NMNAT3: variants seen among roughly 807,000 people sequenced by gnomAD.
NMNAT3 encodes the protein nicotinamide nucleotide adenylyltransferase 3.
A neutral mutation model predicts 24.8 loss-of-function variants in NMNAT3; 21 were observed. That is an observed-to-expected ratio of 0.85 (90% CI 0.60 to 1.22). NMNAT3 has a LOEUF of 1.22. Among genes scored for constraint, NMNAT3 ranks in the 50% most tolerant of loss-of-function variants. The pLI is 0.00. For synonymous variants in NMNAT3, 136 were observed against 155.2 expected, an observed-to-expected ratio of 0.88 and a Z score of 0.92; for missense variants, 387 against 436.6, an observed-to-expected ratio of 0.89 and a Z score of 1.01.
chr3:139,645,384 C>T (rs1350026422), intron 1 of NMNAT3, among the ~76,000 whole-genome samples: 1 of 152,064 alleles, frequency 6.6e-6, no homozygotes, highest in Non-Finnish European at 1.5e-5. Flanking sequence ...ATGCCTTAGA[C>T]AAAACAGGGC....
intron 4 of NMNAT3, among the ~76,000 whole-genome samples, chr3:139,581,346 GTATT>G (rs1044742513): frequency 4.6e-5 from 7 of 150,614 alleles, no homozygotes; most frequent in Middle Eastern, 3.2e-3. Context: ...TAATGGTACT[GTATT>G]TATTATACAG....
chr3:139,653,114 T>A (rs2057110904), intron 1 of NMNAT3, among the ~76,000 whole-genome samples: 1 of 152,198 alleles, frequency 6.6e-6, no homozygotes, highest in African/African-American at 2.4e-5. Context: ...ATGGAGTCAT[T>A]GCTTCATAAA....
chr3:139,610,166 G>T (rs1176413912), intron 3 of NMNAT3, among the ~76,000 whole-genome samples: 1 of 151,968 alleles, frequency 6.6e-6, no homozygotes, highest in African/African-American at 2.4e-5. Flanking sequence ...GAATACAGGG[G>T]TCTCATGAAG....
chr3:139,561,534 A>G lies in NMNAT3; in HGVS notation c.659-142T>C, dbSNP rs1936385652. On this transcript the variant is annotated intron_variant, in intron 6 of 6. Transcript: ENST00000643695. ...CCATGTTCATGACTTGAAAAGAAAAAGCATGTAAATGAATCTGCAGCCATT... is the reference window on the plus strand; with the variant it reads ...CCATGTTCATGACTTGAAAAGAAAAGGCATGTAAATGAATCTGCAGCCATT... The G allele has an allele frequency of 3.9e-6, 3 of 759,930 alleles. No homozygotes were observed. In the South Asian group the frequency reaches 5.7e-5, roughly 14 times the overall value. The allele number at this position is 759,930 out of a possible 1,614,324, so 47.1% of individuals were successfully genotyped here. A position where few individuals can be genotyped will look rare whatever the true frequency, so the allele number is the denominator to read the frequency against.
chr3:139,627,607 C>A lies in NMNAT3; in HGVS notation c.109+9G>T. 1.3e-6 allele frequency: 2 copies of A among 1,546,512 alleles called. No individual in the cohort carries two copies. The highest frequency in any genetic ancestry group is 1.2e-5 in the South Asian group (1 of 84,040). On this transcript the variant is annotated intron_variant, in intron 3 of 6. Transcript: ENST00000643695. ...GTTCTTCTGTTGGACTCAGGGCCCC[C>A]TGACTGACCTGTTTGGTGTAGGTGA... is the stretch of plus-strand genomic sequence containing the variant.
chr3:139,613,642 C>T (rs56773826), intron 3 of NMNAT3, among the ~76,000 whole-genome samples: 53,123 of 151,832 alleles, frequency 0.35, 10,900 homozygotes, highest in South Asian at 0.66. Context: ...TGGGTATATA[C>T]CCAAAGGATT....
chr3:139,653,149 T>C (rs2057112407), intron 1 of NMNAT3, among the ~76,000 whole-genome samples: 1 of 152,178 alleles, frequency 6.6e-6, no homozygotes, highest in Non-Finnish European at 1.5e-5. Context: ...TGTTATTCTA[T>C]CATTTTCTGT....
chr3:139,659,690 G>A (rs2057354312), intron 1 of NMNAT3, among the ~76,000 whole-genome samples: 1 of 152,218 alleles, frequency 6.6e-6, no homozygotes, highest in Admixed American at 6.5e-5. Context: ...GTCAATCCTG[G>A]ATGCACATTA....
At chr3:139,565,491 T>G (rs1224889294) in intron 6 of NMNAT3, 1 of 152,156 alleles carries the variant, frequency 6.6e-6, no homozygotes, top group Non-Finnish European at 1.5e-5. Context: ...TAGGTATATC[T>G]CCTAATGCTA....
At chr3:139,643,135 A>T (rs772208135) in intron 1 of NMNAT3, among the ~76,000 whole-genome samples, 24 of 152,168 alleles carry the variant, frequency 1.6e-4, no homozygotes, top group Non-Finnish European at 3.1e-4. Flanking sequence ...CATCCCTAAT[A>T]ACTAGGGAAA....
At chr3:139,669,034 C>A (rs2057672031) in intron 1 of NMNAT3, among the ~76,000 whole-genome samples, 1 of 152,190 alleles carries the variant, frequency 6.6e-6, no homozygotes, top group South Asian at 2.1e-4. Context: ...AATTTTAAAT[C>A]ATTTCTTGGA....
rs141514728 is a variant in NMNAT3 at position 139,584,935 on chromosome 3, G to A, written c.110-1727C>T. Reference sequence around the variant, plus strand: ...CTCTCACTATGATTGTGGATTTTCCGTTTTTCTTTTTAGTACTTTCAACTT... The same window carrying A: ...CTCTCACTATGATTGTGGATTTTCCATTTTTCTTTTTAGTACTTTCAACTT... On this transcript the variant is annotated intron_variant, in intron 3 of 6. Coordinates refer to ENST00000643695, the MANE Select transcript of NMNAT3 (RefSeq NM_001320510.2). 1.9e-3 allele frequency among the ~76,000 whole-genome samples: 283 copies of A among 151,822 alleles called. 3 individuals are homozygous for A. The highest frequency in any genetic ancestry group is 6.5e-3 in the African/African-American group (271 of 41,416).
intron 3 of NMNAT3, chr3:139,599,340 G>C (rs2054609634): frequency 1.4e-6 from 1 of 702,332 alleles, no homozygotes; most frequent in Non-Finnish European, 2.6e-6. Flanking sequence ...GGAGAAGCTT[G>C]GTGTTTCTGT....
At chr3:139,641,858 C>T (rs1254856694) in intron 1 of NMNAT3, among the ~76,000 whole-genome samples, 1 of 152,200 alleles carries the variant, frequency 6.6e-6, no homozygotes, top group African/African-American at 2.4e-5. Flanking sequence ...GGCTAACAAA[C>T]ACCAATTTTA....
At chr3:139,596,916 G>GTATATA (rs58824425) in intron 3 of NMNAT3, among the ~76,000 whole-genome samples, 133 of 97,010 alleles carry the variant, frequency 1.4e-3, no homozygotes, top group African/African-American at 3.8e-3. Flanking sequence ...TGTCATGTGT[G>GTATATA]TATATATATA....
At chr3:139,648,199 G>A (rs1486875324) in intron 1 of NMNAT3, among the ~76,000 whole-genome samples, 2 of 152,126 alleles carry the variant, frequency 1.3e-5, no homozygotes, top group African/African-American at 4.8e-5. Context: ...TTTAAAAGTG[G>A]CTGTTTCCTC....
chr3:139,574,666 G>A (rs1002742776), intron 5 of NMNAT3, among the ~76,000 whole-genome samples: 2 of 152,148 alleles, frequency 1.3e-5, no homozygotes, highest in African/African-American at 4.8e-5. Context: ...GTGGGTTTAA[G>A]TTCAGGCTTT....
chr3:139,643,624 C>A (rs750333239), intron 1 of NMNAT3, among the ~76,000 whole-genome samples: 2 of 152,022 alleles, frequency 1.3e-5, no homozygotes, highest in African/African-American at 4.8e-5. Flanking sequence ...TAAAAATAAG[C>A]CAGTCACAAA....
At chr3:139,665,725 G>GGAGAGAGAGAGAGA (rs10547665) in intron 1 of NMNAT3, among the ~76,000 whole-genome samples, 6 of 139,656 alleles carry the variant, frequency 4.3e-5, no homozygotes, top group African/African-American at 1.6e-4. Context: ...ATTTGTAACA[G>GGAGAGAGAGAGAGA]GAGAGAGAGA....
Sources: gnomAD v4.1 joint callset for allele counts (sites outside exome capture counted in the v4.1 genomes callset) on GRCh38, gnomAD v4.1.1 for gene constraint, MANE v1.5 for transcripts, NCBI Gene and HGNC (gene_info 2026-07-23, HGNC 2026-07-21) for gene names.